TRIM66: variants seen among roughly 807,000 people sequenced by gnomAD.
TRIM66 encodes tripartite motif containing 66.
Under a neutral mutation model 148.2 loss-of-function variants are expected in TRIM66, and 99 were observed. That is an observed-to-expected ratio of 0.67 (90% confidence interval 0.57 to 0.79). TRIM66 has a LOEUF of 0.79. Among genes scored for constraint, TRIM66 ranks in the 30% least tolerant of loss-of-function variants. TRIM66 has a pLI of 0.00. For synonymous variants in TRIM66, 616 were observed against 635.9 expected (o/e 0.97, Z 0.47); for missense variants, 1,666 against 1,697.9 (o/e 0.98, Z 0.33).
intron 12 of TRIM66, 136 bp downstream of exon 12, chr11:8,645,605 T>A: frequency 1.0e-6 from 1 of 1,000,700 alleles, no homozygotes; most frequent in Non-Finnish European, 1.4e-6. Flanking sequence ...GAAGGATGGA[T>A]GGAGCTGCTA....
At chr11:8,628,635 A>AC (rs1276570494) in intron 15 of TRIM66, among the ~76,000 whole-genome samples, 1 of 137,796 alleles carries the variant, frequency 7.3e-6, no homozygotes, top group Non-Finnish European at 1.6e-5. Flanking sequence ...AAAAAAAAAA[A>AC]AAGAGAGAGA....
intron 6 of TRIM66, among the ~76,000 whole-genome samples, chr11:8,666,539 A>T (rs1294001560): frequency 6.6e-6 from 1 of 151,934 alleles, no homozygotes; most frequent in Non-Finnish European, 1.5e-5. Context: ...TCTATAAACG[A>T]GGCATAGTAC....
At chr11:8,657,682 C>T (rs984205387) in intron 6 of TRIM66, among the ~76,000 whole-genome samples, 15 of 152,094 alleles carry the variant, frequency 9.9e-5, no homozygotes, top group African/African-American at 3.4e-4. Context: ...CTCCCACCCC[C>T]GGGCAGCCCC....
In TRIM66 at chr11:8,646,703, C is replaced by T. The variant is rs867360748; in HGVS notation, c.843-142G>A. ...GACACCAAATACAAAAAAAAGAGAG[C>T]CTTCCTCCACCATCCCACCTTTTGT... is the stretch of plus-strand genomic sequence containing the variant. On this transcript the variant is annotated intron_variant, in intron 10 of 24. Transcript: ENST00000646038. 1.2e-5 allele frequency: 8 copies of T among 640,656 alleles called. No individual in the cohort carries two copies. In the African/African-American group the frequency reaches 1.5e-4, roughly 12 times the overall value. The allele number at this position is 640,656 out of a possible 1,614,324, so 39.7% of individuals were successfully genotyped here. A position where few individuals can be genotyped will look rare whatever the true frequency, so the allele number is the denominator to read the frequency against.
At chr11:8,677,782 T>C (rs533512576) in intron 3 of TRIM66, among the ~76,000 whole-genome samples, 1 of 152,324 alleles carries the variant, frequency 6.6e-6, no homozygotes, top group Admixed American at 6.5e-5. Flanking sequence ...CACGTTTTGT[T>C]ACTCTGAGTT....
At chr11:8,661,759 C>T (rs1220304671) in intron 6 of TRIM66, among the ~76,000 whole-genome samples, 1 of 152,202 alleles carries the variant, frequency 6.6e-6, no homozygotes, top group African/African-American at 2.4e-5. Context: ...TAAGGGCCTT[C>T]CCTGCCTTTT....
intron 11 of TRIM66, 127 bp downstream of exon 11, chr11:8,646,320 G>T: frequency 1.3e-6 from 1 of 743,486 alleles, no homozygotes; most frequent in Non-Finnish European, 2.2e-6. Context: ...TTAAAATACA[G>T]GGAGCAGCAC....
At chr11:8,664,247 TAC>T (rs1041133343) in intron 6 of TRIM66, among the ~76,000 whole-genome samples, 2 of 152,204 alleles carry the variant, frequency 1.3e-5, no homozygotes, top group South Asian at 2.1e-4. Flanking sequence ...TGTAAATACA[TAC>T]AGTTTTACAT....
In TRIM66 at chr11:8,627,593, G is replaced by A. The variant is rs191911468; in HGVS notation, c.2311-2365C>T. Among the ~76,000 whole-genome samples the A allele has an allele frequency of 2.6e-4, 39 of 152,250 alleles. 1 individual carries two copies. The highest frequency in any genetic ancestry group is 9.4e-4 in the African/African-American group (39 of 41,554). ...TTTTATTGTTATTATTGTTGCTGCA[G>A]ACCTAGTTTTACACTTGACAAAGAT... On this transcript the variant is annotated intron_variant, in intron 15 of 24. Coordinates refer to ENST00000646038, the MANE Select transcript of TRIM66 (RefSeq NM_001388022.1).
intron 15 of TRIM66, among the ~76,000 whole-genome samples, chr11:8,626,494 A>C (rs573376305): frequency 6.6e-6 from 1 of 152,300 alleles, no homozygotes; most frequent in Non-Finnish European, 1.5e-5. Context: ...GATCCTAGGA[A>C]GGAGGCATCA....
At chr11:8,668,774 C>T (rs951504097) in intron 6 of TRIM66, among the ~76,000 whole-genome samples, 4 of 151,908 alleles carry the variant, frequency 2.6e-5, no homozygotes, top group Admixed American at 2.6e-4. Context: ...TTAGTAGAGA[C>T]GGGGTTTCAC....
At chr11:8,651,366 T>G (rs2037342290) in intron 7 of TRIM66, among the ~76,000 whole-genome samples, 1 of 151,874 alleles carries the variant, frequency 6.6e-6, no homozygotes, top group African/African-American at 2.4e-5. Flanking sequence ...AGGAAAAAGG[T>G]GATAGTTGTT....
intron 6 of TRIM66, among the ~76,000 whole-genome samples, chr11:8,661,363 G>A (rs1356378562): frequency 6.6e-6 from 1 of 152,240 alleles, no homozygotes; most frequent in Non-Finnish European, 1.5e-5. Flanking sequence ...AGTACCCACA[G>A]TATAATGCAA....
At chr11:8,671,385 G>A (rs1006394298) in intron 6 of TRIM66, among the ~76,000 whole-genome samples, 2 of 152,138 alleles carry the variant, frequency 1.3e-5, no homozygotes, top group Non-Finnish European at 2.9e-5. Context: ...CTTAAATACT[G>A]AATAGTTCAC....
intron 6 of TRIM66, among the ~76,000 whole-genome samples, chr11:8,662,595 T>G (rs1211292032): frequency 1.3e-5 from 2 of 152,238 alleles, no homozygotes; most frequent in African/African-American, 4.8e-5. Flanking sequence ...CAATTAGTGC[T>G]AGTGTCCAGG....
At chr11:8,651,727 T>G (rs1319525030) in intron 7 of TRIM66, 73 bp downstream of exon 7, 1 of 1,156,252 alleles carries the variant, frequency 8.6e-7, no homozygotes, top group Non-Finnish European at 1.3e-6. Context: ...GATGGATGGA[T>G]AGAAGACTTA....
At chr11:8,664,739 G>A (rs2038482019) in intron 6 of TRIM66, among the ~76,000 whole-genome samples, 1 of 152,190 alleles carries the variant, frequency 6.6e-6, no homozygotes, top group African/African-American at 2.4e-5. Context: ...CTCCTCTCCT[G>A]TATCATGTTC....
chr11:8,648,464 T>C lies in TRIM66; in HGVS notation c.677A>G (p.Asp226Gly), dbSNP rs1191217090. ...EVLKLFCETC[D>G]MLTCHSCLVV... ...TAGGCAGCTATGGCAAGTGAGCATA[T>C]CACATGTCTCACAGAATAGCTTGAG... Residue 226 changes from aspartate to glycine, a missense_variant, in exon 9 of 25, where the codon GAT (aspartate) becomes GGT (glycine). Asp to Gly is a moderately conservative substitution (Grantham distance 94). Transcript: ENST00000646038. 3.9e-6 allele frequency: 6 copies of C among 1,551,600 alleles called. No homozygotes were observed. The highest frequency in any genetic ancestry group is 5.2e-6 in the Non-Finnish European group (6 of 1,147,016).
intron 15 of TRIM66, among the ~76,000 whole-genome samples, chr11:8,626,063 TGAG>T (rs931809144): frequency 5.0e-4 from 76 of 152,304 alleles, no homozygotes; most frequent in African/African-American, 1.5e-3. Context: ...TTCTTACATC[TGAG>T]GAGAAGAGAT....
Sources: allele counts gnomAD v4.1 joint callset (sites outside exome capture counted in the v4.1 genomes callset), GRCh38; gene constraint gnomAD v4.1.1; transcripts MANE v1.5; gene names NCBI Gene and HGNC (gene_info 2026-07-23, HGNC 2026-07-21).